Variants in STYK1 observed in about 807,000 individuals in gnomAD.
The protein encoded by STYK1 is STY kinase 1.
A neutral mutation model predicts 48.1 loss-of-function variants in STYK1; 46 were observed. The ratio of observed to expected loss-of-function variants is 0.96; its 90% CI spans 0.75 to 1.22. STYK1 has a LOEUF of 1.22. STYK1 is among the 50% of genes most tolerant of loss of function. STYK1 has a pLI of 0.00. For synonymous variants in STYK1, 188 were observed against 189.0 expected, an observed-to-expected ratio of 0.99 and a Z score of 0.04; for missense variants, 527 against 521.1, an observed-to-expected ratio of 1.01 and a Z score of -0.11.
intron 1 of STYK1, among the ~76,000 whole-genome samples, chr12:10,649,511 A>G (rs1947636706): frequency 6.6e-6 from 1 of 152,236 alleles, no homozygotes; most frequent in Non-Finnish European, 1.5e-5. Flanking sequence ...AATGAAATTG[A>G]CTGGGAAAAA....
rs139819909 is a variant in STYK1 at position 10,634,092 on chromosome 12, C to T, written c.85G>A (p.Val29Ile). The T allele has an allele frequency of 1.7e-4, 273 of 1,613,970 alleles. 1 individual carries two copies. Among genetic ancestry groups the T allele is most frequent in the Middle Eastern group, 3.3e-4 (2 of 6,084 alleles). The change falls in exon 4 of 11, where the codon GTC becomes ATC. Residue 29 changes from valine (V) to isoleucine (I), a missense_variant. By Grantham distance (29) the Val-to-Ile change is conservative. Coordinates refer to ENST00000075503, the MANE Select transcript of STYK1 (RefSeq NM_018423.3). ...AAGATAGTAACCAACAAAGTTGGGA[C>T]GATAATCACTTCATACTGCTTCTCC... ...IQEKQYEVII[V>I]PTLLVTIFLI... is the part of the protein sequence containing the mutation.
intron 1 of STYK1, among the ~76,000 whole-genome samples, chr12:10,648,506 A>C (rs1947625239): frequency 1.3e-5 from 2 of 152,148 alleles, no homozygotes; most frequent in African/African-American, 4.8e-5. Flanking sequence ...CAAATATGGA[A>C]GCATGTTGAA....
chr12:10,639,081 T>G (rs2120683207), intron 1 of STYK1, among the ~76,000 whole-genome samples: 1 of 152,320 alleles, frequency 6.6e-6, no homozygotes, highest in African/African-American at 2.4e-5. Flanking sequence ...TGAAACAGTC[T>G]GCCTTCTTGT....
At chr12:10,622,824 CA>C (rs1340686071) in intron 8 of STYK1, 146 bp from the exon 9 acceptor site, 1 of 853,388 alleles carries the variant, frequency 1.2e-6, no homozygotes, top group East Asian at 2.6e-5. Context: ...AACAAAATAA[CA>C]GCCATTAGAA....
intron 7 of STYK1, among the ~76,000 whole-genome samples, chr12:10,627,407 AGTTGACTAC>A (rs759279954): frequency 6.6e-5 from 10 of 152,200 alleles, no homozygotes; most frequent in Admixed American, 4.6e-4. Context: ...ATAAACCCTA[AGTTGACTAC>A]TTTCTCCCTG....
Position 10,672,017 on chromosome 12 carries a change from TA to T in STYK1, c.-195+1948del, listed in dbSNP as rs1438316231. Among the ~76,000 whole-genome samples the T allele has an allele frequency of 6.6e-6, 1 of 152,108 alleles. No homozygotes were observed. Among genetic ancestry groups the T allele is most frequent in the Admixed American group, 6.5e-5 (1 of 15,270 alleles). On this transcript the variant is annotated intron_variant, in intron 1 of 10. Transcript: ENST00000075503. The surrounding 1 kb of genome is among the most constrained non-coding windows in gnomAD (Gnocchi z 4.0). Reference sequence around the variant, plus strand: ...GCAGAGATAATCAATTAAAATGAGGTAATTAGGATGGACCCTAATCCAATAA... The same window carrying T: ...GCAGAGATAATCAATTAAAATGAGGTATTAGGATGGACCCTAATCCAATAA...
At chr12:10,670,079 A>T (rs1445663847) in intron 1 of STYK1, among the ~76,000 whole-genome samples, 1 of 152,224 alleles carries the variant, frequency 6.6e-6, no homozygotes, top group African/African-American at 2.4e-5. Flanking sequence ...GTTCCTCAAA[A>T]AATTAAAAGT....
At chr12:10,622,525 A>G in intron 9 of STYK1, 113 bp downstream of exon 9, 5 of 1,178,540 alleles carry the variant, frequency 4.2e-6, no homozygotes, top group Non-Finnish European at 6.2e-6. Flanking sequence ...AGTCCATTTC[A>G]AGCTTCAGCA....
intron 8 of STYK1, among the ~76,000 whole-genome samples, chr12:10,624,153 G>A (rs894385332): frequency 2.6e-5 from 4 of 151,542 alleles, no homozygotes; most frequent in Non-Finnish European, 4.4e-5. Context: ...GGGCATGGTT[G>A]CTCATGCCTG....
chr12:10,637,844 T>C (rs923364985), intron 1 of STYK1, among the ~76,000 whole-genome samples: 1 of 152,188 alleles, frequency 6.6e-6, no homozygotes, highest in Non-Finnish European at 1.5e-5. Context: ...CTGTCCACTC[T>C]GTCAAGCTGA....
At chr12:10,647,140 C>T (rs551096079) in intron 1 of STYK1, among the ~76,000 whole-genome samples, 18 of 152,360 alleles carry the variant, frequency 1.2e-4, no homozygotes, top group Middle Eastern at 3.4e-3. Flanking sequence ...AAGAGGGTTA[C>T]CATCCTCCAA....
chr12:10,623,898 C>A (rs1050399044), intron 8 of STYK1, among the ~76,000 whole-genome samples: 1 of 151,908 alleles, frequency 6.6e-6, no homozygotes, highest in Non-Finnish European at 1.5e-5. Flanking sequence ...TAAAAAGAAG[C>A]CTTGCCCCTC....
intron 1 of STYK1, among the ~76,000 whole-genome samples, chr12:10,643,453 A>G (rs1032665725): frequency 1.3e-5 from 2 of 152,150 alleles, no homozygotes; most frequent in African/African-American, 4.8e-5. Flanking sequence ...CTGTAACTGA[A>G]CTGTCCATTC....
chr12:10,648,357 A>G (rs1947623429), intron 1 of STYK1, among the ~76,000 whole-genome samples: 1 of 152,110 alleles, frequency 6.6e-6, no homozygotes, highest in Admixed American at 6.5e-5. Flanking sequence ...AAAAAAAATC[A>G]CAATGGAAAC....
At chr12:10,624,936 G>A (rs1302886237) in intron 7 of STYK1, 77 bp from the exon 8 acceptor site, 3 of 1,324,986 alleles carry the variant, frequency 2.3e-6, no homozygotes, top group African/African-American at 1.5e-5. Flanking sequence ...GCAGTCCTAG[G>A]AATCTTCAAA....
chr12:10,633,375 C>T (rs1017014023), intron 4 of STYK1, among the ~76,000 whole-genome samples: 2 of 152,122 alleles, frequency 1.3e-5, no homozygotes, highest in African/African-American at 4.8e-5. Flanking sequence ...AAGTATAAGA[C>T]TATTGGGATA....
chr12:10,667,543 T>A (rs954721497), intron 1 of STYK1: 2 of 152,034 alleles, frequency 1.3e-5, no homozygotes, highest in African/African-American at 4.8e-5. Context: ...GATGGGAGGA[T>A]CACTTGAGCC....
intron 1 of STYK1, among the ~76,000 whole-genome samples, chr12:10,650,722 C>T (rs908963376): frequency 2.2e-4 from 33 of 152,076 alleles, no homozygotes; most frequent in African/African-American, 7.7e-4. Context: ...GGAGCAGGGC[C>T]GGGCGCAGTG....
intron 7 of STYK1, among the ~76,000 whole-genome samples, chr12:10,626,058 G>C (rs989166711): frequency 6.6e-6 from 1 of 152,140 alleles, no homozygotes; most frequent in Non-Finnish European, 1.5e-5. Context: ...GGATGGTATA[G>C]AAAATTAGAA....
Sources: gnomAD v4.1 joint callset for allele counts (sites outside exome capture counted in the v4.1 genomes callset) on GRCh38, gnomAD v4.1.1 for gene constraint, Gnocchi (gnomAD v3.1) non-coding constraint, MANE v1.5 for transcripts, NCBI Gene and HGNC (gene_info 2026-07-23, HGNC 2026-07-21) for gene names.